LGSN: variants seen among roughly 807,000 people sequenced by gnomAD.
LGSN encodes lengsin.
LGSN carries 21 observed loss-of-function variants against 19.5 expected under a neutral mutation model. The ratio of observed to expected loss-of-function variants is 1.07; its 90% confidence interval spans 0.76 to 1.55. The LOEUF is 1.55. Ranked by LOEUF, LGSN falls within the 40% of genes most tolerant of loss-of-function variation. The pLI is 0.00. For synonymous variants in LGSN, 257 were observed against 215.6 expected, an observed-to-expected ratio of 1.19 and a Z score of -1.68; for missense variants, 673 against 608.5, an observed-to-expected ratio of 1.11 and a Z score of -1.12.
At chr6:63,559,523 G>A in the LGSN span, among the ~76,000 whole-genome samples, 4 of 151,982 alleles carry the variant, frequency 2.6e-5, no homozygotes, top group African/African-American at 9.7e-5. Context: ...GAGGTGGGCG[G>A]ATCATGAGGT....
the LGSN span, among the ~76,000 whole-genome samples, chr6:63,411,171 T>G: frequency 6.6e-6 from 1 of 152,202 alleles, no homozygotes; most frequent in Non-Finnish European, 1.5e-5. Context: ...AGAATAATAT[T>G]GACTGTCCCA....
intron 1 of LGSN, among the ~76,000 whole-genome samples, chr6:63,315,164 G>A (rs1247701987): frequency 6.6e-6 from 1 of 152,126 alleles, no homozygotes; most frequent in African/African-American, 2.4e-5. Flanking sequence ...TAGTAATTGA[G>A]TAAATAATTT....
chr6:63,461,804 A>G, the LGSN span, among the ~76,000 whole-genome samples: 14 of 152,234 alleles, frequency 9.2e-5, no homozygotes, highest in Non-Finnish European at 2.1e-4. Flanking sequence ...ACATCATATT[A>G]TACTGCATCA....
chr6:63,413,318 G>T, the LGSN span, among the ~76,000 whole-genome samples: 2 of 152,032 alleles, frequency 1.3e-5, no homozygotes, highest in African/African-American at 4.8e-5. Context: ...ATCAAGAATA[G>T]TTATATTCTT....
At chr6:63,496,355 C>T in the LGSN span, among the ~76,000 whole-genome samples, 1 of 152,248 alleles carries the variant, frequency 6.6e-6, no homozygotes, top group East Asian at 1.9e-4. Context: ...AAGAGTTTGC[C>T]ATAGCCACTA....
the LGSN span, among the ~76,000 whole-genome samples, chr6:63,446,113 G>A: frequency 6.6e-6 from 1 of 152,044 alleles, no homozygotes; most frequent in South Asian, 2.1e-4. Context: ...GCCGGGCCAT[G>A]GTGGCACATT....
the LGSN span, among the ~76,000 whole-genome samples, chr6:63,380,405 A>G: frequency 6.6e-6 from 1 of 152,218 alleles, no homozygotes; most frequent in South Asian, 2.1e-4. Context: ...GCAGACGCAT[A>G]TCACAGGAAA....
At chr6:63,538,917 G>C in the LGSN span, among the ~76,000 whole-genome samples, 1 of 152,064 alleles carries the variant, frequency 6.6e-6, no homozygotes, top group South Asian at 2.1e-4. Context: ...TTTTGAGATG[G>C]AGTCTCACTC....
At chr6:63,467,690 CT>C in the LGSN span, among the ~76,000 whole-genome samples, 6 of 113,658 alleles carry the variant, frequency 5.3e-5, no homozygotes, top group African/African-American at 1.6e-4. Context: ...CTCATTTAAT[CT>C]TTTTGTTTGT....
the LGSN span, among the ~76,000 whole-genome samples, chr6:63,483,401 T>C: frequency 6.6e-6 from 1 of 151,884 alleles, no homozygotes; most frequent in African/African-American, 2.4e-5. Context: ...AGTTTCACTT[T>C]GCCACCCAGG....
the LGSN span, among the ~76,000 whole-genome samples, chr6:63,427,268 T>C: frequency 6.6e-6 from 1 of 152,154 alleles, no homozygotes; most frequent in Non-Finnish European, 1.5e-5. Flanking sequence ...GGTCTTGAAC[T>C]CTTGACCTCA....
At chr6:63,439,225 G>A in the LGSN span, among the ~76,000 whole-genome samples, 1 of 152,026 alleles carries the variant, frequency 6.6e-6, no homozygotes, top group Admixed American at 6.6e-5. Context: ...CAGTGGGGAG[G>A]GATAGCATTA....
chr6:63,282,591 A>G (rs778791055), intron 3 of LGSN, among the ~76,000 whole-genome samples: 4 of 152,184 alleles, frequency 2.6e-5, no homozygotes, highest in Admixed American at 6.5e-5. Flanking sequence ...GTATTAGCCA[A>G]AGTAATTTAC....
In LGSN at chr6:63,278,345, T is replaced by A. The variant is rs1767161833; in HGVS notation, c.*1676A>T. ...AGAGTCTTCCTTATCCCTCCCATGA[T>A]GTAATGTGTGGGATTTCATTCTGGA... On this transcript the variant is annotated 3_prime_UTR_variant, in exon 4 of 4. Transcript: ENST00000370657. 1.3e-5 allele frequency: 2 copies of A among 152,142 alleles called. No homozygotes were observed. The highest frequency in any genetic ancestry group is 4.8e-5 in the African/African-American group (2 of 41,418). 9.4% of individuals were successfully genotyped at this position (152,142 alleles called of 1,614,324 possible).
chr6:63,385,890 G>C, the LGSN span, among the ~76,000 whole-genome samples: 1 of 152,148 alleles, frequency 6.6e-6, no homozygotes, highest in Non-Finnish European at 1.5e-5. Flanking sequence ...GCAAATTCCT[G>C]AAGGACCGAT....
At position 63,280,710 on chromosome 6, in the gene LGSN, T is replaced by G; in HGVS notation, c.841A>C (p.Asn281His). 1 of 1,614,122 alleles carries G rather than the reference T, an allele frequency of 6.2e-7. No homozygotes were observed. The highest frequency in any genetic ancestry group is 1.3e-5 in the African/African-American group (1 of 75,038). ...ACACCTGTTCTGAGGGTAAATGCAT[T>G]ATCAGCTGAGCTAATGCCAAATTCA... ...LPEFGISSAD[N>H]AFTLRTGVKE... Residue 281 changes from asparagine to histidine, a missense_variant, in exon 4 of 4, where the codon AAT becomes CAT. Transcript: ENST00000370657.
the LGSN span, among the ~76,000 whole-genome samples, chr6:63,531,108 G>T: frequency 6.6e-6 from 1 of 152,180 alleles, no homozygotes; most frequent in Non-Finnish European, 1.5e-5. Context: ...TTCAAGCACA[G>T]TTCCCTCAGT....
the LGSN span, among the ~76,000 whole-genome samples, chr6:63,477,552 A>T: frequency 6.6e-6 from 1 of 152,016 alleles, no homozygotes. Flanking sequence ...GTTTCTTTGA[A>T]ATATGCCATG....
the LGSN span, among the ~76,000 whole-genome samples, chr6:63,397,999 T>C: frequency 6.6e-6 from 1 of 152,068 alleles, no homozygotes; most frequent in East Asian, 1.9e-4. Flanking sequence ...CCTAGTGATA[T>C]CATAGCTGTC....
Sources: gnomAD v4.1 joint callset for allele counts (sites outside exome capture counted in the v4.1 genomes callset) on GRCh38, gnomAD v4.1.1 for gene constraint, MANE v1.5 for transcripts, NCBI Gene and HGNC (gene_info 2026-07-23, HGNC 2026-07-21) for gene names.